Variants in POFUT3 observed in about 807,000 individuals in gnomAD.
The protein encoded by POFUT3 is GDP-fucose protein O-fucosyltransferase 3.
the POFUT3 span, among the ~76,000 whole-genome samples, chr8:33,345,602 T>C: frequency 4.0e-5 from 6 of 150,928 alleles, no homozygotes; most frequent in African/African-American, 7.3e-5. Context: ...GGTTTCACCA[T>C]GTTGACCAGG....
At chr8:33,464,420 C>T in the POFUT3 span, among the ~76,000 whole-genome samples, 2 of 152,208 alleles carry the variant, frequency 1.3e-5, no homozygotes, top group South Asian at 4.1e-4. Context: ...AAAACCGAAT[C>T]TGAATGAAGT....
the POFUT3 span, among the ~76,000 whole-genome samples, chr8:33,311,204 A>G: frequency 6.6e-6 from 1 of 152,238 alleles, no homozygotes; most frequent in Non-Finnish European, 1.5e-5. Context: ...GCTGAAAGTT[A>G]TCTGCATATT....
the POFUT3 span, among the ~76,000 whole-genome samples, chr8:33,426,275 CTG>C: frequency 6.6e-6 from 1 of 152,148 alleles, no homozygotes; most frequent in East Asian, 1.9e-4. Flanking sequence ...TTACCTATCT[CTG>C]TGGTCAGTAT....
the POFUT3 span, among the ~76,000 whole-genome samples, chr8:33,421,783 G>A: frequency 6.6e-6 from 1 of 152,110 alleles, no homozygotes; most frequent in Admixed American, 6.6e-5. Context: ...TGCCATAAAG[G>A]AGAGTGATCA....
At chr8:33,448,629 T>C in the POFUT3 span, among the ~76,000 whole-genome samples, 6 of 152,040 alleles carry the variant, frequency 3.9e-5, no homozygotes, top group Admixed American at 1.3e-4. Flanking sequence ...TGGGTCTCTC[T>C]ATTCATAAAG....
chr8:33,376,101 G>C, the POFUT3 span, among the ~76,000 whole-genome samples: 1 of 151,838 alleles, frequency 6.6e-6, no homozygotes, highest in Non-Finnish European at 1.5e-5. Context: ...TAAATATTGT[G>C]GTTGCTTCTG....
the POFUT3 span, among the ~76,000 whole-genome samples, chr8:33,442,575 TACC>T: frequency 6.6e-6 from 1 of 151,936 alleles, no homozygotes; most frequent in Non-Finnish European, 1.5e-5. Context: ...TGAGCCACTG[TACC>T]TGGCCTCATC....
chr8:33,463,533 C>T, the POFUT3 span, among the ~76,000 whole-genome samples: 4 of 152,004 alleles, frequency 2.6e-5, no homozygotes, highest in South Asian at 8.3e-4. Context: ...GCTCCCCTCT[C>T]ATGAGTCTAC....
chr8:33,364,186 A>G, the POFUT3 span, among the ~76,000 whole-genome samples: 1 of 152,234 alleles, frequency 6.6e-6, no homozygotes, highest in Non-Finnish European at 1.5e-5. Flanking sequence ...GATTATTGCA[A>G]TAGATGCAGA....
chr8:33,425,871 A>T, the POFUT3 span, among the ~76,000 whole-genome samples: 1 of 150,636 alleles, frequency 6.6e-6, no homozygotes, highest in Admixed American at 6.6e-5. Context: ...CAAAGGTTGC[A>T]GGGAGCCGAA....
chr8:33,311,876 G>A, the POFUT3 span, among the ~76,000 whole-genome samples: 7 of 152,140 alleles, frequency 4.6e-5, no homozygotes, highest in African/African-American at 1.4e-4. Flanking sequence ...GAACTTGACC[G>A]TATTAGGAAA....
At chr8:33,366,767 T>C in the POFUT3 span, among the ~76,000 whole-genome samples, 1 of 152,216 alleles carries the variant, frequency 6.6e-6, no homozygotes, top group Admixed American at 6.5e-5. Context: ...CAAAAATTGT[T>C]GACAAAAACA....
the POFUT3 span, among the ~76,000 whole-genome samples, chr8:33,377,235 A>G: frequency 6.6e-6 from 1 of 152,078 alleles, no homozygotes; most frequent in East Asian, 1.9e-4. Context: ...CTGTCTCAAA[A>G]AAAAAAAAAA....
chr8:33,416,830 C>CAAAAAAAA, the POFUT3 span, among the ~76,000 whole-genome samples: 16 of 43,572 alleles, frequency 3.7e-4, no homozygotes, highest in Admixed American at 5.6e-4. Flanking sequence ...TGGGCGACGA[C>CAAAAAAAA]AAAAAAAAAA....
At chr8:33,366,801 T>C in the POFUT3 span, among the ~76,000 whole-genome samples, 1 of 152,306 alleles carries the variant, frequency 6.6e-6, no homozygotes, top group Non-Finnish European at 1.5e-5. Flanking sequence ...GCATAGTTTG[T>C]CAGATTTTTT....
At chr8:33,363,449 A>G in the POFUT3 span, among the ~76,000 whole-genome samples, 258 of 152,326 alleles carry the variant, frequency 1.7e-3, 2 homozygotes, top group African/African-American at 6.0e-3. Context: ...TAGAGACACA[A>G]AAAACCCTTC....
chr8:33,430,233 C>T, the POFUT3 span, among the ~76,000 whole-genome samples: 1 of 152,092 alleles, frequency 6.6e-6, no homozygotes, highest in African/African-American at 2.4e-5. Context: ...ACAAGATGAG[C>T]AAAAGCCAAA....
the POFUT3 span, among the ~76,000 whole-genome samples, chr8:33,458,955 G>A: frequency 2.0e-5 from 3 of 152,152 alleles, no homozygotes; most frequent in Non-Finnish European, 2.9e-5. Context: ...ACACAGAAGG[G>A]AGATCCTGCA....
At chr8:33,367,274 A>G in the POFUT3 span, among the ~76,000 whole-genome samples, 5 of 152,196 alleles carry the variant, frequency 3.3e-5, no homozygotes, top group Non-Finnish European at 5.9e-5. Context: ...CCAGGGCAGA[A>G]AACCGCTTAA....
Sources: gnomAD v4.1 joint callset for allele counts (sites outside exome capture counted in the v4.1 genomes callset) on GRCh38, gnomAD v4.1.1 for gene constraint, MANE v1.5 for transcripts, NCBI Gene and HGNC (gene_info 2026-07-23, HGNC 2026-07-21) for gene names.